Variants in GABPB2 observed in about 807,000 individuals in gnomAD.
GABPB2 encodes GA binding protein transcription factor subunit beta 2.
Under a neutral mutation model 39.1 loss-of-function variants are expected in GABPB2, and 23 were observed. The observed-to-expected ratio is 0.59, with a 90% CI of 0.42 to 0.83. The LOEUF is 0.83. Ranked by LOEUF, GABPB2 falls within the 40% of genes least tolerant of loss-of-function variation. The probability of loss-of-function intolerance (pLI) is 0.00; values close to 1 mark genes in which losing one functional copy is unlikely to be tolerated. For synonymous variants in GABPB2, 184 were observed against 199.3 expected (o/e 0.92, Z 0.65); for missense variants, 467 against 541.1 (o/e 0.86, Z 1.36).
intron 6 of GABPB2, among the ~76,000 whole-genome samples, chr1:151,104,351 C>G (rs939627293): frequency 2.0e-5 from 3 of 152,154 alleles, no homozygotes; most frequent in Non-Finnish European, 4.4e-5. Flanking sequence ...TCTGCTCCAT[C>G]ATATATGAAA....
At chr1:151,073,215 TC>T (rs1257168679) in intron 1 of GABPB2, 3 of 151,958 alleles carry the variant, frequency 2.0e-5, no homozygotes, top group Non-Finnish European at 4.4e-5. Flanking sequence ...AGAGACAGAG[TC>T]CCTCTGTGTT....
intron 4 of GABPB2, among the ~76,000 whole-genome samples, chr1:151,095,348 T>C (rs1010393336): frequency 6.6e-6 from 1 of 152,146 alleles, no homozygotes; most frequent in Admixed American, 6.6e-5. Context: ...ATTCTGAATG[T>C]AGGGATGCTT....
chr1:151,082,371 C>T (rs982616485), intron 1 of GABPB2, among the ~76,000 whole-genome samples: 1 of 138,500 alleles, frequency 7.2e-6, no homozygotes, highest in Non-Finnish European at 1.5e-5. Flanking sequence ...GCCACTGCGT[C>T]TGGCCAACAA....
At chr1:151,078,612 A>G (rs1340931926) in intron 1 of GABPB2, among the ~76,000 whole-genome samples, 1 of 152,046 alleles carries the variant, frequency 6.6e-6, no homozygotes, top group Non-Finnish European at 1.5e-5. Flanking sequence ...ATAGAAAAAA[A>G]AATTCATTTT....
At chr1:151,113,528 ATCT>A (rs1680633204) in intron 7 of GABPB2, among the ~76,000 whole-genome samples, 1 of 151,352 alleles carries the variant, frequency 6.6e-6, no homozygotes, top group African/African-American at 2.4e-5. Context: ...GTCTGGCCAA[ATCT>A]TCTGTTTTAA....
intron 7 of GABPB2, among the ~76,000 whole-genome samples, chr1:151,108,222 C>T (rs1472549747): frequency 1.3e-5 from 2 of 151,984 alleles, no homozygotes; most frequent in Non-Finnish European, 2.9e-5. Flanking sequence ...CAGGCTGGAG[C>T]GCAGTGGCAG....
At chr1:151,088,415 C>A in intron 2 of GABPB2, 118 bp downstream of exon 2, 1 of 1,271,598 alleles carries the variant, frequency 7.9e-7, no homozygotes, top group Non-Finnish European at 1.1e-6. Flanking sequence ...ATATCCCTTA[C>A]AAGAGTTTTA....
chr1:151,096,430 GA>G (rs1679104460), intron 4 of GABPB2, among the ~76,000 whole-genome samples: 1 of 150,734 alleles, frequency 6.6e-6, no homozygotes, highest in Admixed American at 6.6e-5. Context: ...AAAATAAAAA[GA>G]GAGAGAGAGA....
intron 1 of GABPB2, among the ~76,000 whole-genome samples, chr1:151,085,799 C>T (rs748441236): frequency 1.1e-4 from 17 of 152,216 alleles, no homozygotes; most frequent in Non-Finnish European, 1.8e-4. Context: ...TGCTTTTTCT[C>T]AAGAAAACCA....
intron 5 of GABPB2, among the ~76,000 whole-genome samples, chr1:151,099,862 G>C (rs993483415): frequency 1.2e-4 from 18 of 152,318 alleles, no homozygotes; most frequent in Non-Finnish European, 2.4e-4. Flanking sequence ...TTATGAGGTT[G>C]TTGTGAGAGT....
In GABPB2 at chr1:151,124,090, CAAAAAAAAAAAAAAGAAA is replaced by C; in HGVS notation, c.*5835_*5852del. ...AAAAGAGGCCGGGCGCGGTGGCTCA[CAAAAAAAAAAAAAAGAAA>C]GAAAAAGGAAAAAAAGAAATATCAG... On this transcript the variant is annotated 3_prime_UTR_variant, in exon 9 of 9. Coordinates refer to ENST00000368918, the MANE Select transcript of GABPB2 (RefSeq NM_144618.3). The C allele has an allele frequency of 5.5e-5, 1 of 18,184 alleles. No individual in the cohort carries two copies. The highest frequency in any genetic ancestry group is 2.8e-3 in the East Asian group (1 of 358). 1.1% of individuals were successfully genotyped at this position (18,184 alleles called of 1,614,324 possible). A position where few individuals can be genotyped will look rare whatever the true frequency, so the allele number is the denominator to read the frequency against.
At chr1:151,097,011 A>G (rs77602378) in intron 4 of GABPB2, among the ~76,000 whole-genome samples, 3,208 of 152,176 alleles carry the variant, frequency 0.021, 98 homozygotes, top group African/African-American at 0.072. Flanking sequence ...TCCTGGGTTC[A>G]AGCAATTCTC....
chr1:151,090,898 T>C (rs1678626567), intron 3 of GABPB2, among the ~76,000 whole-genome samples: 1 of 151,520 alleles, frequency 6.6e-6, no homozygotes, highest in African/African-American at 2.4e-5. Context: ...CTCAGGAAGC[T>C]GAGGCAGGAG....
chr1:151,109,337 T>TAC (rs1289676704), intron 7 of GABPB2, among the ~76,000 whole-genome samples: 1 of 81,532 alleles, frequency 1.2e-5, no homozygotes, highest in African/African-American at 4.4e-5. Context: ...TATATATATA[T>TAC]ACACAAATAT....
At chr1:151,089,034 CT>C (rs1678452897) in intron 2 of GABPB2, among the ~76,000 whole-genome samples, 1 of 151,916 alleles carries the variant, frequency 6.6e-6, no homozygotes, top group African/African-American at 2.4e-5. Flanking sequence ...TCCTTTACCA[CT>C]GTTCAAAAAA....
chr1:151,090,033 G>A (rs893699600), intron 2 of GABPB2, among the ~76,000 whole-genome samples: 18 of 151,904 alleles, frequency 1.2e-4, no homozygotes, highest in Admixed American at 1.1e-3. Context: ...TGCCTCCCAG[G>A]TTCAAAGCAA....
intron 7 of GABPB2, among the ~76,000 whole-genome samples, chr1:151,109,364 A>ATATATATATATT (rs779537595): frequency 8.9e-6 from 1 of 112,394 alleles, no homozygotes; most frequent in Non-Finnish European, 1.7e-5. Context: ...ATATATATAT[A>ATATATATATATT]TTTTTTTTTT....
intron 1 of GABPB2, among the ~76,000 whole-genome samples, chr1:151,080,232 A>AAAAAAAAAAAAC (rs1677547804): frequency 8.4e-6 from 1 of 118,944 alleles, no homozygotes; most frequent in African/African-American, 3.1e-5. Context: ...AAAAAAAAAA[A>AAAAAAAAAAAAC]AAAAAAAAAA....
chr1:151,109,718 C>G lies in GABPB2; in HGVS notation c.922+2496C>G, dbSNP rs1558156737. 2.0e-5 allele frequency among the ~76,000 whole-genome samples: 3 copies of G among 151,908 alleles called. No homozygotes were observed. The South Asian group carries it at 6.2e-4, about 32-fold the overall frequency. ...TGAGATAGGATCTCCCTTTGTTGCC[C>G]AGGCTAGAATGCAGTGGCATGATTA... On this transcript the variant is annotated intron_variant, in intron 7 of 8. Coordinates refer to ENST00000368918, the MANE Select transcript of GABPB2 (RefSeq NM_144618.3).
Sources: allele counts gnomAD v4.1 joint callset (sites outside exome capture counted in the v4.1 genomes callset), GRCh38; gene constraint gnomAD v4.1.1; transcripts MANE v1.5; gene names NCBI Gene and HGNC (gene_info 2026-07-23, HGNC 2026-07-21).